APBB1: variants seen among roughly 807,000 people sequenced by gnomAD.
APBB1 encodes amyloid beta precursor protein binding family B member 1, also known as adaptor protein FE65a2.
Under a neutral mutation model 78.4 loss-of-function variants are expected in APBB1, and 22 were observed. That is an observed-to-expected ratio of 0.28 (90% CI 0.20 to 0.40). The LOEUF is 0.40. APBB1 is among the 10% of genes least tolerant of loss of function. APBB1 has a pLI of 1.00. For missense variants in APBB1, 749 were observed against 932.4 expected, an observed-to-expected ratio of 0.80 and a Z score of 2.56; for synonymous variants, 369 against 372.7, an observed-to-expected ratio of 0.99 and a Z score of 0.12.
rs1487777988 is a variant in APBB1, at chr11:6,414,615, G to C, written c.-14-3254C>G. Among the ~76,000 whole-genome samples the C allele has an allele frequency of 2.0e-5, 3 of 152,154 alleles. No individual in the cohort carries two copies. The East Asian group carries it at 5.8e-4, about 29-fold the overall frequency. On this transcript the variant is annotated intron_variant, in intron 1 of 14. Coordinates refer to ENST00000609360, the MANE Select transcript of APBB1 (RefSeq NM_001164.5). Reference sequence around the variant, plus strand: ...CTGGGGAGGAGCAAAGGGAGTGTTTGGGAGGGTGTCAGAGAATGCCAAAGG... The same window carrying C: ...CTGGGGAGGAGCAAAGGGAGTGTTTCGGAGGGTGTCAGAGAATGCCAAAGG...
rs1328909992 is a variant in APBB1 at position 6,411,228 on chromosome 11, C to A, written c.120G>T (p.Leu40=). The A allele has an allele frequency of 1.9e-6, 3 of 1,607,168 alleles. No homozygotes were observed. Among genetic ancestry groups the A allele is most frequent in the Admixed American group, 3.3e-5 (2 of 59,898 alleles). ...CCTTGGGTCCCACAGCTGTGGCCTGCAGCTTGGCGTTGAGCAGCTGGTTGT... is the reference window on the plus strand; with the variant it reads ...CCTTGGGTCCCACAGCTGTGGCCTGAAGCTTGGCGTTGAGCAGCTGGTTGT... The part of the protein sequence containing the change: ...AAHNQLLNAK[L]QATAVGPKDL... Residue 40 remains leucine, a synonymous_variant, in exon 2 of 15, where the codon CTG becomes CTT. Transcript: ENST00000609360. This position sits in a 1 kb window ranked among gnomAD's most constrained non-coding sequence, Gnocchi z 5.2.
rs941081581 is a variant in APBB1 at position 6,396,220 on chromosome 11, AACATATGG to A, written c.1673-13_1673-6del. On this transcript the variant is annotated splice_polypyrimidine_tract_variant and splice_region_variant and intron_variant, in intron 12 of 14. Coordinates refer to ENST00000609360, the MANE Select transcript of APBB1 (RefSeq NM_001164.5). The stretch of plus-strand genomic sequence containing the variant: ...CCCCATTAATCACATCTACCCCTAG[AACATATGG>A]ACACAAGATACCACTGAGGGTAGAC... The A allele has an allele frequency of 2.0e-5, 31 of 1,549,944 alleles. No individual in the cohort carries two copies. The African/African-American group carries it at 4.0e-4, about 20-fold the overall frequency.
intron 1 of APBB1, among the ~76,000 whole-genome samples, chr11:6,414,712 G>A (rs1418912951): frequency 1.3e-5 from 2 of 152,166 alleles, no homozygotes; most frequent in Non-Finnish European, 2.9e-5. Flanking sequence ...AAAAGGGAGC[G>A]AGGGAGGTAG....
chr11:6,406,299 A>T (rs879641203), intron 2 of APBB1, among the ~76,000 whole-genome samples: 3 of 152,320 alleles, frequency 2.0e-5, no homozygotes, highest in Admixed American at 2.0e-4. Context: ...TTAGTGGTGA[A>T]GCCAGGTGTA....
chr11:6,414,220 T>C (rs1849064295), intron 1 of APBB1, among the ~76,000 whole-genome samples: 2 of 152,218 alleles, frequency 1.3e-5, no homozygotes, highest in Admixed American at 1.3e-4. Flanking sequence ...GCCCTGGGTC[T>C]TTGTTTATAC....
intron 2 of APBB1, among the ~76,000 whole-genome samples, chr11:6,408,524 G>A (rs1848878878): frequency 6.8e-6 from 1 of 147,380 alleles, no homozygotes; most frequent in Admixed American, 6.8e-5. Flanking sequence ...TTTTTTTTGA[G>A]AAGGAGTCTC....
At position 6,402,787 on chromosome 11, in the gene APBB1, A is replaced by T. The variant is rs1747183371; in HGVS notation, c.1105-62T>A. 9 of 1,596,224 alleles carry T rather than the reference A, an allele frequency of 5.6e-6. No individual in the cohort carries two copies. In the South Asian group the frequency reaches 1.0e-4, roughly 18 times the overall value. On this transcript the variant is annotated intron_variant, in intron 6 of 14. Coordinates refer to ENST00000609360, the MANE Select transcript of APBB1 (RefSeq NM_001164.5). ...CTGAGTCAAAACTGGAGAGTTCCTG[A>T]CTACAGAGTGTGGCAGGAGGCAGGG... is the stretch of plus-strand genomic sequence containing the variant.
At chr11:6,409,467 T>C (rs574256689) in intron 2 of APBB1, among the ~76,000 whole-genome samples, 2 of 152,336 alleles carry the variant, frequency 1.3e-5, no homozygotes, top group South Asian at 4.1e-4. Context: ...ATTAGTTATG[T>C]ATTGATAATT....
chr11:6,416,196 C>A (rs1849113848), intron 1 of APBB1, among the ~76,000 whole-genome samples: 1 of 152,046 alleles, frequency 6.6e-6, no homozygotes, highest in African/African-American at 2.4e-5. Flanking sequence ...CATCTCCACA[C>A]TCCTCATCTC....
intron 2 of APBB1, chr11:6,404,662 T>C (rs1385189834): frequency 6.5e-7 from 1 of 1,536,084 alleles, no homozygotes; most frequent in Admixed American, 2.0e-5. Context: ...ACTCCAACCC[T>C]GTAACCCGCT....
Position 6,401,074 on chromosome 11 carries a change from T to TA in APBB1, c.1589-3dup. 1 of 1,614,110 alleles carries TA rather than the reference T, an allele frequency of 6.2e-7. No homozygotes were observed. Among genetic ancestry groups the TA allele is most frequent in the Non-Finnish European group, 8.5e-7 (1 of 1,180,024 alleles). On this transcript the variant is annotated splice_polypyrimidine_tract_variant and splice_region_variant and intron_variant, in intron 11 of 14. Coordinates refer to ENST00000609360, the MANE Select transcript of APBB1 (RefSeq NM_001164.5). The surrounding 1 kb of genome is among the most constrained non-coding windows in gnomAD (Gnocchi z 4.5). ...CATTCTTAGGCGCTGGGAATTCCAC[T>TA]ATGGGAAAGAAGAGAAGGTTGATCA...
At chr11:6,415,202 C>CT (rs1320600339) in intron 1 of APBB1, among the ~76,000 whole-genome samples, 1 of 152,190 alleles carries the variant, frequency 6.6e-6, no homozygotes, top group African/African-American at 2.4e-5. Context: ...CAACTGGGTT[C>CT]TGGCTCAAGG....
intron 1 of APBB1, among the ~76,000 whole-genome samples, chr11:6,416,352 A>G (rs1849116388): frequency 6.6e-6 from 1 of 152,146 alleles, no homozygotes; most frequent in Non-Finnish European, 1.5e-5. Flanking sequence ...TAATCAGTAT[A>G]AGTATTCATT....
At position 6,395,810 on chromosome 11, in the gene APBB1, T is replaced by C. The variant is rs1290017709; in HGVS notation, c.1941A>G (p.Ser647=). 2.5e-6 allele frequency: 4 copies of C among 1,613,892 alleles called. No homozygotes were observed. Among genetic ancestry groups the C allele is most frequent in the Non-Finnish European group, 3.4e-6 (4 of 1,179,978 alleles). ...FWCEPNAASL[S]EAVQAACMLR... is the part of the protein sequence containing the mutation. ...CCATGCACGCAGCCTGCACAGCCTC[T>C]GAGAGGCTGGCAGCATTGGGCTCGC... The change falls in exon 14 of 15, where the codon TCA becomes TCG. Residue 647 remains serine (S), a synonymous_variant. Coordinates refer to ENST00000609360, the MANE Select transcript of APBB1 (RefSeq NM_001164.5). The surrounding 1 kb of genome is among the most constrained non-coding windows in gnomAD (Gnocchi z 5.2).
chr11:6,411,845 C>T lies in APBB1; in HGVS notation c.-14-484G>A, dbSNP rs1848972385. Among the ~76,000 whole-genome samples the T allele has an allele frequency of 6.6e-6, 1 of 152,214 alleles. No individual in the cohort carries two copies. The highest frequency in any genetic ancestry group is 2.1e-4 in the South Asian group (1 of 4,832). The stretch of plus-strand genomic sequence containing the variant: ...CGGCTGTGTTCCTATTCCCATAAAT[C>T]ACTCAGCTCAACCAGCCCCCAAGCC... On this transcript the variant is annotated intron_variant, in intron 1 of 14. Transcript: ENST00000609360. The surrounding 1 kb of genome is among the most constrained non-coding windows in gnomAD (Gnocchi z 5.2).
At chr11:6,414,279 G>C (rs941445081) in intron 1 of APBB1, among the ~76,000 whole-genome samples, 1 of 152,112 alleles carries the variant, frequency 6.6e-6, no homozygotes, top group African/African-American at 2.4e-5. Context: ...ACCTCTGCTT[G>C]TATTTCAAAA....
At chr11:6,409,216 G>A (rs1412783209) in intron 2 of APBB1, among the ~76,000 whole-genome samples, 1 of 152,006 alleles carries the variant, frequency 6.6e-6, no homozygotes, top group Non-Finnish European at 1.5e-5. Flanking sequence ...GACCACAGTG[G>A]CTGATGCCTC....
intron 12 of APBB1, among the ~76,000 whole-genome samples, chr11:6,397,970 C>G (rs1848318903): frequency 6.6e-6 from 1 of 152,168 alleles, no homozygotes; most frequent in African/African-American, 2.4e-5. Context: ...ACATTTAGGC[C>G]AGGGCAATTG....
Position 6,411,155 on chromosome 11 carries a change from C to T in APBB1, c.193G>A (p.Ala65Thr). The T allele has an allele frequency of 1.2e-6, 2 of 1,609,410 alleles. No homozygotes were observed. The highest frequency in any genetic ancestry group is 2.2e-5 in the East Asian group (1 of 44,866). ...CCCTCTTTTAGCCACTTGGCATTGG[C>T]AGGGCCTGGCTCAGGCCCACCACCC... Reference protein sequence around the residue: ...GEGGGPEPGPANAKWLKEGQN... With the variant: ...GEGGGPEPGPTNAKWLKEGQN... The change falls in exon 2 of 15, where the codon GCC becomes ACC. Residue 65 changes from alanine (A) to threonine (T), a missense_variant. By Grantham distance (58) the Ala-to-Thr change is moderately conservative. Coordinates refer to ENST00000609360, the MANE Select transcript of APBB1 (RefSeq NM_001164.5). This position sits in a 1 kb window ranked among gnomAD's most constrained non-coding sequence, Gnocchi z 5.2.
Sources: allele counts gnomAD v4.1 joint callset (sites outside exome capture counted in the v4.1 genomes callset), GRCh38; gene constraint gnomAD v4.1.1; non-coding constraint Gnocchi (gnomAD v3.1); transcripts MANE v1.5; gene names NCBI Gene and HGNC (gene_info 2026-07-23, HGNC 2026-07-21).